ABR: variants seen among roughly 807,000 people sequenced by gnomAD.
ABR encodes ABR activator of RhoGEF and GTPase.
ABR carries 35 observed loss-of-function variants against 107.2 expected under a neutral mutation model. That is an observed-to-expected ratio of 0.33 (90% CI 0.25 to 0.43). ABR has a LOEUF of 0.43. ABR is among the 20% of genes least tolerant of loss of function. The probability of loss-of-function intolerance (pLI) is 1.00; values close to 1 mark genes in which losing one functional copy is unlikely to be tolerated. For synonymous variants in ABR, 498 were observed against 462.0 expected (o/e 1.08, Z -1.00); for missense variants, 815 against 1,115.2 (o/e 0.73, Z 3.83).
intron 1 of ABR, among the ~76,000 whole-genome samples, chr17:1,152,580 A>G (rs1230699129): frequency 2.0e-5 from 3 of 151,936 alleles, no homozygotes; most frequent in Admixed American, 1.3e-4. Context: ...AACAAGAGTG[A>G]AACTCTGTCT....
chr17:1,067,049 C>G (rs774979302), intron 10 of ABR, 28 bp downstream of exon 10: 3 of 1,609,400 alleles, frequency 1.9e-6, no homozygotes, highest in Non-Finnish European at 2.5e-6. Context: ...TCAAAGGGCC[C>G]CAGGCTCAGA....
At chr17:1,056,684 C>T (rs2033313131) in intron 13 of ABR, among the ~76,000 whole-genome samples, 2 of 152,206 alleles carry the variant, frequency 1.3e-5, no homozygotes, top group African/African-American at 4.8e-5. Flanking sequence ...AAACTTCCAG[C>T]CTCATTTCCC....
intron 16 of ABR, chr17:1,039,637 C>CG (rs1404213757): frequency 1.3e-5 from 2 of 152,584 alleles, no homozygotes; most frequent in Non-Finnish European, 2.9e-5. Context: ...GCTGCAGTCA[C>CG]GGGGCCCTGG....
chr17:1,049,387 C>T (rs1355141426), intron 16 of ABR, among the ~76,000 whole-genome samples: 1 of 152,014 alleles, frequency 6.6e-6, no homozygotes, highest in African/African-American at 2.4e-5. Context: ...AGGCTGGTCT[C>T]GAACTCCTGA....
chr17:1,089,143 A>AC (rs1445033106), intron 4 of ABR, among the ~76,000 whole-genome samples: 1 of 150,950 alleles, frequency 6.6e-6, no homozygotes, highest in Non-Finnish European at 1.5e-5. Flanking sequence ...CGATCCACCC[A>AC]CCCCGGCCTC....
upstream of ABR, among the ~76,000 whole-genome samples, chr17:1,181,387 GC>G (rs1277483604): frequency 1.8e-4 from 28 of 152,174 alleles, no homozygotes; most frequent in Admixed American, 1.8e-3. Context: ...GGGTGGGGAA[GC>G]CTCTACAGGT....
intron 21 of ABR, 68 bp downstream of exon 21, chr17:1,009,611 G>T: frequency 6.9e-7 from 1 of 1,445,140 alleles, no homozygotes; most frequent in Non-Finnish European, 9.7e-7. Context: ...GGTGGGGTTG[G>T]GGCCCCTCCC....
At chr17:1,155,336 T>C (rs2040997815) in intron 1 of ABR, among the ~76,000 whole-genome samples, 1 of 152,180 alleles carries the variant, frequency 6.6e-6, no homozygotes, top group Non-Finnish European at 1.5e-5. Context: ...CAAATGGTGC[T>C]GGGACAACCA....
intron 2 of ABR, among the ~76,000 whole-genome samples, chr17:1,123,278 C>T (rs1264863096): frequency 4.6e-5 from 7 of 152,254 alleles, no homozygotes; most frequent in Non-Finnish European, 2.9e-5. Context: ...GGCTTCTAGT[C>T]GATGGTGTAA....
chr17:1,207,839 G>A (rs905284721), intron 1 of ABR, among the ~76,000 whole-genome samples: 15 of 151,336 alleles, frequency 9.9e-5, no homozygotes, highest in South Asian at 2.1e-4. Flanking sequence ...GTGCGATCTC[G>A]GCTCACTGCA....
chr17:1,174,373 G>A (rs1046662852), intron 1 of ABR, among the ~76,000 whole-genome samples: 3 of 152,214 alleles, frequency 2.0e-5, no homozygotes, highest in Non-Finnish European at 4.4e-5. Context: ...ACACGGAGGG[G>A]TCTGATGCGG....
chr17:1,061,268 G>A (rs951972390), intron 10 of ABR, among the ~76,000 whole-genome samples: 3 of 152,212 alleles, frequency 2.0e-5, no homozygotes, highest in Non-Finnish European at 2.9e-5. Context: ...AGCCTCCCAG[G>A]GGCGGGTGGG....
chr17:1,047,569 A>G (rs768701213), intron 16 of ABR, among the ~76,000 whole-genome samples: 4 of 152,222 alleles, frequency 2.6e-5, no homozygotes, highest in Non-Finnish European at 5.9e-5. Context: ...AAAGGCCTGC[A>G]GGGGACTCTG....
intron 4 of ABR, among the ~76,000 whole-genome samples, chr17:1,086,060 CGCTTGA>C (rs1392243505): frequency 6.6e-6 from 1 of 152,132 alleles, no homozygotes; most frequent in Non-Finnish European, 1.5e-5. Context: ...GCAGGAGAAT[CGCTTGA>C]ACCCAGGAGG....
At chr17:1,164,626 T>A (rs8068249) in intron 1 of ABR, among the ~76,000 whole-genome samples, 45,460 of 151,950 alleles carry the variant, frequency 0.3, 7,053 homozygotes, top group Non-Finnish European at 0.34. Context: ...AGCAACAGAC[T>A]AGCTTTCAGT....
intron 1 of ABR, among the ~76,000 whole-genome samples, chr17:1,147,928 CAAGT>C (rs575517633): frequency 3.3e-4 from 51 of 152,316 alleles, no homozygotes; most frequent in African/African-American, 7.0e-4. Flanking sequence ...TGTCTTCCAG[CAAGT>C]AAGTAAGTGC....
intron 1 of ABR, among the ~76,000 whole-genome samples, chr17:1,196,012 C>A (rs748375508): frequency 6.7e-6 from 1 of 149,826 alleles, no homozygotes. Context: ...GCCTGTAATC[C>A]CAGGTACTCA....
At chr17:1,145,128 G>C (rs756359895) in intron 1 of ABR, among the ~76,000 whole-genome samples, 1 of 152,196 alleles carries the variant, frequency 6.6e-6, no homozygotes, top group South Asian at 2.1e-4. Context: ...TCTTCCCCGC[G>C]AGGTGGTGGC....
rs2036479927 is a variant in ABR at position 1,084,724 on chromosome 17, A to G, written c.532-1097T>C. Among the ~76,000 whole-genome samples the G allele has an allele frequency of 1.3e-5, 2 of 152,252 alleles. No individual in the cohort carries two copies. Among genetic ancestry groups the G allele is most frequent in the African/African-American group, 4.8e-5 (2 of 41,460 alleles). The stretch of plus-strand genomic sequence containing the variant: ...ATTCAAATTAAAGCCATCACGAGAT[A>G]TTTTATACTCATCAGAAGGGTCAAA... On this transcript the variant is annotated intron_variant, in intron 4 of 22. Transcript: ENST00000302538. The surrounding 1 kb of genome is among the most constrained non-coding windows in gnomAD (Gnocchi z 4.2).
Sources: gnomAD v4.1 joint callset for allele counts (sites outside exome capture counted in the v4.1 genomes callset) on GRCh38, gnomAD v4.1.1 for gene constraint, Gnocchi (gnomAD v3.1) non-coding constraint, MANE v1.5 for transcripts, NCBI Gene and HGNC (gene_info 2026-07-23, HGNC 2026-07-21) for gene names.